Variants in PCDHGB7 observed in about 807,000 individuals in gnomAD.
PCDHGB7 encodes protocadherin gamma subfamily B, 7.
In PCDHGB7, 37 loss-of-function variants were observed where a neutral mutation model predicts 61.4. The observed-to-expected ratio is 0.60, with a 90% CI of 0.46 to 0.79. The LOEUF is 0.79. PCDHGB7 is among the 30% of genes least tolerant of loss of function. The probability of loss-of-function intolerance (pLI) is 0.00; values close to 1 mark genes in which losing one functional copy is unlikely to be tolerated. For missense variants in PCDHGB7, 1,166 were observed against 1,202.5 expected (o/e 0.97, Z 0.45); for synonymous variants, 464 against 503.5 (o/e 0.92, Z 1.05).
At chr5:141,494,714 C>G in intron 1 of PCDHGB7, 93 bp from the exon 2 acceptor site, 2 of 1,603,958 alleles carry the variant, frequency 1.2e-6, no homozygotes, top group East Asian at 4.5e-5. Context: ...TGTGCCCACT[C>G]CCCTCCTTCT....
rs1488042504 is a variant in PCDHGB7, at chr5:141,511,552, T to C, written c.*379T>C. ...CCTCCTCCCCACCCCACTCCAACAG[T>C]TCCTCTTTCCCGAGTAAGGTGGTTG... On this transcript the variant is annotated 3_prime_UTR_variant, in exon 4 of 4. Coordinates refer to ENST00000398594, the MANE Select transcript of PCDHGB7 (RefSeq NM_018927.4). 1.3e-5 allele frequency: 4 copies of C among 304,316 alleles called. No individual in the cohort carries two copies. The highest frequency in any genetic ancestry group is 2.6e-5 in the Non-Finnish European group (4 of 156,548). The allele number at this position is 304,316 out of a possible 1,614,324, so 18.9% of individuals were successfully genotyped here.
At chr5:141,506,993 C>T (rs781663602) in intron 3 of PCDHGB7, 18 of 152,184 alleles carry the variant, frequency 1.2e-4, no homozygotes, top group Non-Finnish European at 1.8e-4. Context: ...TTCTCACACT[C>T]GACAGATGAG....
intron 1 of PCDHGB7, chr5:141,427,676 T>G: frequency 1.2e-6 from 1 of 813,766 alleles, no homozygotes; most frequent in Non-Finnish European, 2.1e-6. Flanking sequence ...AAAACAACCT[T>G]CCCGGAGCCT....
Position 141,419,070 on chromosome 5 carries a change from T to G in PCDHGB7, c.1211T>G (p.Leu404Arg). The G allele has an allele frequency of 6.2e-7, 1 of 1,613,926 alleles. No individual in the cohort carries two copies. Among genetic ancestry groups the G allele is most frequent in the Non-Finnish European group, 8.5e-7 (1 of 1,179,894 alleles). ...TCTTCTTCTAATAATTACTACAAGC[T>G]AGTAACAGATGAGGCCCTGGATCGG... The part of the protein sequence containing the change: ...IHSSSNNYYK[L>R]VTDEALDREQ... The change falls in exon 1 of 4, where the codon CTA becomes CGA. Residue 404 changes from leucine to arginine, a missense_variant. Transcript: ENST00000398594.
At chr5:141,422,880 G>T in intron 1 of PCDHGB7, 1 of 1,614,258 alleles carries the variant, frequency 6.2e-7, no homozygotes, top group East Asian at 2.2e-5. Flanking sequence ...CGCTGAGCCT[G>T]TTCGTGCTGG....
intron 1 of PCDHGB7, chr5:141,427,791 G>T (rs763294539): frequency 1.3e-6 from 2 of 1,488,082 alleles, no homozygotes; most frequent in South Asian, 1.1e-5. Context: ...GTCGTCCTAC[G>T]TGTCCGTGAG....
rs1461617825 is a variant in PCDHGB7, at chr5:141,431,902, G to A, written c.2415+11628G>A. On this transcript the variant is annotated intron_variant, in intron 1 of 3. Coordinates refer to ENST00000398594, the MANE Select transcript of PCDHGB7 (RefSeq NM_018927.4). This position sits in a 1 kb window ranked among gnomAD's most constrained non-coding sequence, Gnocchi z 4.8. ...ACCAAGATTCTGAGGAAAACGGACA[G>A]GTGATCTGTTTCATCCAAGGAAATC... 1.2e-6 allele frequency: 2 copies of A among 1,613,764 alleles called. No homozygotes were observed. The highest frequency in any genetic ancestry group is 1.3e-5 in the African/African-American group (1 of 74,918).
chr5:141,428,110 C>G (rs917739943), intron 1 of PCDHGB7: 11 of 1,607,538 alleles, frequency 6.8e-6, no homozygotes, highest in Middle Eastern at 3.4e-4. Context: ...GTGCTGCAGG[C>G]CATCGAGCCC....
chr5:141,420,683 G>A (rs1308504595), intron 1 of PCDHGB7, among the ~76,000 whole-genome samples: 1 of 152,190 alleles, frequency 6.6e-6, no homozygotes, highest in Non-Finnish European at 1.5e-5. Context: ...ATTTTATCGG[G>A]ACCGTATTAT....
Position 141,418,389 on chromosome 5 carries a change from AT to A in PCDHGB7, c.533del (p.Phe178SerfsTer17), listed in dbSNP as rs1429903562. 5.6e-6 allele frequency: 9 copies of A among 1,613,878 alleles called. No individual in the cohort carries two copies. Among genetic ancestry groups the A allele is most frequent in the Non-Finnish European group, 6.8e-6 (8 of 1,179,882 alleles). The stretch of plus-strand genomic sequence containing the variant: ...AAATACCAACTAAGTCCTAACGAGT[AT>A]TTCTCATTGGTGGAGAAAGACAATC... ...LSKYQLSPNE[Y>X]FSLVEKDNPD... On this transcript the variant is annotated frameshift_variant, in exon 1 of 4. Coordinates refer to ENST00000398594, the MANE Select transcript of PCDHGB7 (RefSeq NM_018927.4). LOFTEE classifies it high-confidence loss of function.
chr5:141,495,069 T>G (rs1179878936), intron 2 of PCDHGB7, among the ~76,000 whole-genome samples: 1 of 152,142 alleles, frequency 6.6e-6, no homozygotes, highest in African/African-American at 2.4e-5. Flanking sequence ...GGAAGCTCAA[T>G]TCACATGCTT....
Position 141,419,729 on chromosome 5 carries a change from G to T in PCDHGB7, c.1870G>T (p.Gly624Cys), listed in dbSNP as rs1436631336. 1 of 1,613,758 alleles carries T rather than the reference G, an allele frequency of 6.2e-7. No homozygotes were observed. Among genetic ancestry groups the T allele is most frequent in the Admixed American group, 1.7e-5 (1 of 60,036 alleles). The change falls in exon 1 of 4, where the codon GGC (glycine) becomes TGC (cysteine). Residue 624 changes from glycine to cysteine, a missense_variant. Physicochemically the swap from Gly to Cys is radical, Grantham distance 159. Transcript: ENST00000398594. ...PGLFSLGLRT[G>C]EVRMVRALGD... ...GCTCTTCAGCCTGGGGCTGCGAACA[G>T]GCGAGGTGCGCATGGTGCGTGCTTT...
intron 1 of PCDHGB7, among the ~76,000 whole-genome samples, chr5:141,474,266 G>A (rs1420620306): frequency 6.6e-6 from 1 of 152,186 alleles, no homozygotes; most frequent in Non-Finnish European, 1.5e-5. Context: ...ATAAACCAGT[G>A]TATCTCTGAA....
At chr5:141,484,644 A>G (rs1165542601) in intron 1 of PCDHGB7, among the ~76,000 whole-genome samples, 1 of 151,748 alleles carries the variant, frequency 6.6e-6, no homozygotes, top group African/African-American at 2.4e-5. Flanking sequence ...CCACTCTCCA[A>G]TGGCTACTCT....
chr5:141,444,008 A>G (rs2098413646), intron 1 of PCDHGB7, among the ~76,000 whole-genome samples: 2 of 152,140 alleles, frequency 1.3e-5, no homozygotes, highest in Non-Finnish European at 2.9e-5. Context: ...CTACCTGGGT[A>G]TTGGCTTCTA....
chr5:141,476,613 G>T lies in PCDHGB7; in HGVS notation c.2416-18194G>T. On this transcript the variant is annotated intron_variant, in intron 1 of 3. Coordinates refer to ENST00000398594, the MANE Select transcript of PCDHGB7 (RefSeq NM_018927.4). The surrounding 1 kb of genome is among the most constrained non-coding windows in gnomAD (Gnocchi z 7.6). ...AGCGCGCACGATCCCGATGTGGGAA[G>T]CAACTCTTTACAAACCTATGAGCTG... 2 of 1,614,266 alleles carry T rather than the reference G, an allele frequency of 1.2e-6. No homozygotes were observed. The highest frequency in any genetic ancestry group is 2.7e-5 in the African/African-American group (2 of 75,078).
intron 2 of PCDHGB7, among the ~76,000 whole-genome samples, chr5:141,503,998 A>G (rs746158378): frequency 4.6e-5 from 7 of 152,104 alleles, no homozygotes; most frequent in Admixed American, 1.3e-4. Context: ...CCTTACAGTC[A>G]CTTAACTGTC....
intron 3 of PCDHGB7, among the ~76,000 whole-genome samples, chr5:141,510,369 C>G (rs1403924479): frequency 7.1e-6 from 1 of 140,308 alleles, no homozygotes; most frequent in Non-Finnish European, 1.6e-5. Context: ...TACCGAATCT[C>G]TACTCGTGCC....
At chr5:141,429,875 A>G (rs959789833) in intron 1 of PCDHGB7, among the ~76,000 whole-genome samples, 3 of 152,322 alleles carry the variant, frequency 2.0e-5, no homozygotes, top group Middle Eastern at 6.8e-3. Context: ...ATTTTCTTTT[A>G]CTAAGTTTCC....
Sources: allele counts gnomAD v4.1 joint callset (sites outside exome capture counted in the v4.1 genomes callset), GRCh38; gene constraint gnomAD v4.1.1; non-coding constraint Gnocchi (gnomAD v3.1); transcripts MANE v1.5; gene names NCBI Gene and HGNC (gene_info 2026-07-23, HGNC 2026-07-21).